Variants in MYT1L observed in about 807,000 individuals in gnomAD.
The protein encoded by MYT1L is myelin transcription factor 1 like, also known as myelin transcription factor 1-like protein.
Under a neutral mutation model 126.7 loss-of-function variants are expected in MYT1L, and 12 were observed. The observed-to-expected ratio is 0.09, with a 90% CI of 0.06 to 0.15. MYT1L has a LOEUF of 0.15. Ranked by LOEUF, MYT1L falls within the 10% of genes least tolerant of loss-of-function variation. The pLI is 1.00. For synonymous variants in MYT1L, 541 were observed against 604.2 expected (o/e 0.90, Z 1.53); for missense variants, 979 against 1,585.2 (o/e 0.62, Z 6.49).
At chr2:1,950,191 T>C (rs116319346) in intron 8 of MYT1L, among the ~76,000 whole-genome samples, 1,867 of 152,162 alleles carry the variant, frequency 0.012, 43 homozygotes, top group African/African-American at 0.042. Context: ...TGGAGGAGGT[T>C]TGCAAACCCC....
intron 3 of MYT1L, among the ~76,000 whole-genome samples, chr2:2,114,785 C>T (rs945207713): frequency 3.9e-5 from 6 of 152,298 alleles, no homozygotes; most frequent in Middle Eastern, 3.4e-3. Flanking sequence ...CGCAAGGAGT[C>T]GAAGAGATCT....
intron 1 of MYT1L, among the ~76,000 whole-genome samples, chr2:2,286,276 C>G (rs1317665830): frequency 1.3e-5 from 2 of 152,102 alleles, no homozygotes; most frequent in South Asian, 2.1e-4. Context: ...ATTACCACAC[C>G]CGGCCTGTTC....
intron 3 of MYT1L, among the ~76,000 whole-genome samples, chr2:2,058,958 C>T (rs1450602800): frequency 6.6e-6 from 1 of 152,094 alleles, no homozygotes; most frequent in African/African-American, 2.4e-5. Context: ...ATGGGGGCAA[C>T]AAAACTATAG....
chr2:1,878,020 G>A (rs1036889194), intron 18 of MYT1L, among the ~76,000 whole-genome samples: 1 of 152,220 alleles, frequency 6.6e-6, no homozygotes, highest in African/African-American at 2.4e-5. Context: ...TGTTAATTAC[G>A]TCGGGTTTAT....
intron 20 of MYT1L, 92 bp from the exon 21 acceptor site, chr2:1,839,462 G>T: frequency 1.7e-6 from 2 of 1,179,168 alleles, no homozygotes; most frequent in Non-Finnish European, 1.2e-6. Flanking sequence ...GCATGAAGAA[G>T]AAAAAAACAA....
Position 1,801,074 on chromosome 2 carries a change from G to A in MYT1L, c.3276+622C>T, listed in dbSNP as rs563638188. Among the ~76,000 whole-genome samples the A allele has an allele frequency of 6.6e-6, 1 of 152,316 alleles. No individual in the cohort carries two copies. Among genetic ancestry groups the A allele is most frequent in the Admixed American group, 6.5e-5 (1 of 15,304 alleles). ...TCAGACAGGGTCCAGCCTGGCCTCT[G>A]TGGCTTCGGCTTGGCTGAGGAAGCT... On this transcript the variant is annotated intron_variant, in intron 23 of 24. Coordinates refer to ENST00000647738, the MANE Select transcript of MYT1L (RefSeq NM_001303052.2). This position sits in a 1 kb window ranked among gnomAD's most constrained non-coding sequence, Gnocchi z 4.2.
intron 3 of MYT1L, among the ~76,000 whole-genome samples, chr2:2,107,560 G>T (rs758161513): frequency 1.3e-5 from 2 of 152,152 alleles, no homozygotes; most frequent in Non-Finnish European, 2.9e-5. Context: ...AAAGGTAGGA[G>T]CTAATGCCTA....
chr2:1,946,164 A>G (rs1377369759), intron 8 of MYT1L, among the ~76,000 whole-genome samples: 2 of 152,064 alleles, frequency 1.3e-5, no homozygotes, highest in African/African-American at 2.4e-5. Flanking sequence ...TGAGGGATGT[A>G]GGTTGTGTGC....
intron 13 of MYT1L, among the ~76,000 whole-genome samples, chr2:1,904,806 T>C (rs1291695522): frequency 1.3e-5 from 2 of 151,946 alleles, no homozygotes; most frequent in Non-Finnish European, 2.9e-5. Context: ...AATTTTTTTT[T>C]TTTTTGAGAC....
At chr2:1,932,898 C>T (rs2055208493) in intron 9 of MYT1L, among the ~76,000 whole-genome samples, 1 of 152,142 alleles carries the variant, frequency 6.6e-6, no homozygotes, top group Admixed American at 6.5e-5. Context: ...CAAGACACAA[C>T]CCTGGATGCC....
intron 18 of MYT1L, among the ~76,000 whole-genome samples, chr2:1,862,310 A>G (rs891270446): frequency 6.6e-6 from 1 of 152,172 alleles, no homozygotes; most frequent in African/African-American, 2.4e-5. Flanking sequence ...GCAAGGAAAC[A>G]GATGTAAAGA....
intron 2 of MYT1L, among the ~76,000 whole-genome samples, chr2:2,225,842 G>A (rs1267461574): frequency 4.6e-5 from 7 of 152,156 alleles, no homozygotes; most frequent in African/African-American, 1.2e-4. Flanking sequence ...ATCAAACAAA[G>A]GTCCCTTCCG....
Position 1,840,741 on chromosome 2 carries a change from GC to G in MYT1L, c.2858+18del. The G allele has an allele frequency of 6.5e-7, 1 of 1,534,324 alleles. No homozygotes were observed. Among genetic ancestry groups the G allele is most frequent in the African/African-American group, 1.4e-5 (1 of 72,668 alleles). The stretch of plus-strand genomic sequence containing the variant: ...CATGGCAGCCCTGCTATGGTTCTCA[GC>G]CCCACTGGTGCTCATACCTGATGGG... On this transcript the variant is annotated intron_variant, in intron 20 of 24. Transcript: ENST00000647738.
intron 3 of MYT1L, among the ~76,000 whole-genome samples, chr2:2,102,893 T>A (rs975712990): frequency 2.6e-5 from 4 of 151,676 alleles, no homozygotes; most frequent in Non-Finnish European, 5.9e-5. Flanking sequence ...TTAATAAATA[T>A]AAGCAGCTTA....
At position 2,027,738 on chromosome 2, in the gene MYT1L, T is replaced by C. The variant is rs139378418; in HGVS notation, c.-158+26240A>G. The stretch of plus-strand genomic sequence containing the variant: ...TAGCGCTTCCATTACTGGGCGATAC[T>C]GGGCCACCTGGGTGACATCTCTGAG... On this transcript the variant is annotated intron_variant, in intron 4 of 24. Coordinates refer to ENST00000647738, the MANE Select transcript of MYT1L (RefSeq NM_001303052.2). Among the ~76,000 whole-genome samples the C allele has an allele frequency of 5.3e-4, 80 of 152,326 alleles. 1 individual carries two copies. The East Asian group carries it at 0.015, about 28-fold the overall frequency.
intron 9 of MYT1L, among the ~76,000 whole-genome samples, chr2:1,935,099 T>C (rs1302737554): frequency 6.6e-6 from 1 of 152,216 alleles, no homozygotes; most frequent in African/African-American, 2.4e-5. Flanking sequence ...ATCTGAAGTT[T>C]AGTGAGCCTC....
intron 1 of MYT1L, among the ~76,000 whole-genome samples, chr2:2,328,303 A>G (rs1451688156): frequency 6.6e-6 from 1 of 152,224 alleles, no homozygotes; most frequent in Non-Finnish European, 1.5e-5. Flanking sequence ...TACAAAATAG[A>G]AACATTTTCA....
intron 1 of MYT1L, among the ~76,000 whole-genome samples, chr2:2,291,455 A>G (rs2095598486): frequency 1.3e-5 from 2 of 152,338 alleles, no homozygotes; most frequent in South Asian, 4.1e-4. Context: ...GCGGAAATGG[A>G]AGAGGTGACT....
rs138857377 is a variant in MYT1L, at chr2:1,948,027, GA to G, written c.153-4694del. On this transcript the variant is annotated intron_variant, in intron 8 of 24. Coordinates refer to ENST00000647738, the MANE Select transcript of MYT1L (RefSeq NM_001303052.2). The stretch of plus-strand genomic sequence containing the variant: ...TGGGCCTTAGTTTACCTATCGATGT[GA>G]TAGAAGCGTCGGCTGTTCCTTTACT... 4.4e-4 allele frequency among the ~76,000 whole-genome samples: 67 copies of G among 152,336 alleles called. No individual in the cohort carries two copies. In the East Asian group the frequency reaches 9.7e-3, roughly 22 times the overall value.
Sources: allele counts gnomAD v4.1 joint callset (sites outside exome capture counted in the v4.1 genomes callset), GRCh38; gene constraint gnomAD v4.1.1; non-coding constraint Gnocchi (gnomAD v3.1); transcripts MANE v1.5; gene names NCBI Gene and HGNC (gene_info 2026-07-23, HGNC 2026-07-21).